The following NUDT3 variants were observed in gnomAD, a reference collection of about 807,000 sequenced individuals.
NUDT3 encodes the protein nudix hydrolase 3.
In NUDT3, 9 loss-of-function variants were observed where a neutral mutation model predicts 23.6. The observed-to-expected ratio is 0.38, with a 90% CI of 0.23 to 0.66. NUDT3 has a LOEUF of 0.66. Ranked by LOEUF, NUDT3 falls within the 30% of genes least tolerant of loss-of-function variation. NUDT3 has a pLI of 0.52. For missense variants in NUDT3, 172 were observed against 218.5 expected (o/e 0.79, Z 1.34); for synonymous variants, 86 against 82.6 (o/e 1.04, Z -0.22).
chr6:34,325,677 T>G (rs1581866832), intron 2 of NUDT3, among the ~76,000 whole-genome samples: 1 of 152,226 alleles, frequency 6.6e-6, no homozygotes, highest in Non-Finnish European at 1.5e-5. Flanking sequence ...CATTTCCCAC[T>G]AAATCCTTTA....
chr6:34,385,987 T>C (rs1299821563), intron 1 of NUDT3, among the ~76,000 whole-genome samples: 3 of 152,224 alleles, frequency 2.0e-5, no homozygotes, highest in Non-Finnish European at 4.4e-5. Flanking sequence ...CTGAGCCTTG[T>C]TCTTTTCTGA....
At chr6:34,301,201 CGAA>C (rs1278214588) in intron 2 of NUDT3, among the ~76,000 whole-genome samples, 1 of 134,760 alleles carries the variant, frequency 7.4e-6, no homozygotes, top group East Asian at 2.0e-4. Flanking sequence ...AAGAGTTTCT[CGAA>C]GATTTATACT....
intron 1 of NUDT3, among the ~76,000 whole-genome samples, chr6:34,358,319 T>A (rs768073716): frequency 1.3e-5 from 2 of 150,962 alleles, no homozygotes; most frequent in African/African-American, 4.9e-5. Flanking sequence ...AGGAATCAAG[T>A]TGAATTTATA....
intron 1 of NUDT3, among the ~76,000 whole-genome samples, chr6:34,342,289 C>CAAAAAAA (rs200954440): frequency 1.2e-4 from 8 of 66,512 alleles, no homozygotes; most frequent in South Asian, 4.6e-4. Flanking sequence ...TAGAAGACTT[C>CAAAAAAA]AAAAAAAAAA....
At chr6:34,322,886 G>C (rs1258398582) in intron 2 of NUDT3, among the ~76,000 whole-genome samples, 1 of 152,180 alleles carries the variant, frequency 6.6e-6, no homozygotes, top group African/African-American at 2.4e-5. Flanking sequence ...GATAAAGAAA[G>C]TGTACATATA....
intron 1 of NUDT3, among the ~76,000 whole-genome samples, chr6:34,390,928 C>A (rs997019232): frequency 6.6e-6 from 1 of 152,196 alleles, no homozygotes; most frequent in Admixed American, 6.5e-5. Context: ...TAATTTACAG[C>A]ATGGCCCTGG....
At chr6:34,354,989 T>C (rs533917809) in intron 1 of NUDT3, among the ~76,000 whole-genome samples, 1 of 152,136 alleles carries the variant, frequency 6.6e-6, no homozygotes, top group East Asian at 1.9e-4. Flanking sequence ...TAGTTTTGCC[T>C]CTTCCCCTCT....
At chr6:34,313,439 A>C (rs1054658558) in intron 2 of NUDT3, among the ~76,000 whole-genome samples, 1 of 152,188 alleles carries the variant, frequency 6.6e-6, no homozygotes, top group South Asian at 2.1e-4. Flanking sequence ...ACATGTCATT[A>C]TGCCTTTCTA....
rs577240079 is a variant in NUDT3, at chr6:34,290,936, A to G, written c.341-2005T>C. 2.0e-5 allele frequency among the ~76,000 whole-genome samples: 3 copies of G among 151,314 alleles called. No homozygotes were observed. The East Asian group carries it at 5.8e-4, about 29-fold the overall frequency. On this transcript the variant is annotated intron_variant, in intron 4 of 4. Coordinates refer to ENST00000607016, the MANE Select transcript of NUDT3 (RefSeq NM_006703.4). The stretch of plus-strand genomic sequence containing the variant: ...CAGCCTCTCAAGTAGCTGGGATTAC[A>G]GGCGCCCACAACCACACCCAGCTAA...
rs1162114427 is a variant in NUDT3, at chr6:34,280,761, C to T, written c.*7992G>A. 6.6e-6 allele frequency: 1 copy of T among 152,174 alleles called. No individual in the cohort carries two copies. Among genetic ancestry groups the T allele is most frequent in the Non-Finnish European group, 1.5e-5 (1 of 68,056 alleles). 9.4% of individuals were successfully genotyped at this position (152,174 alleles called of 1,614,324 possible). The stretch of plus-strand genomic sequence containing the variant: ...TGGTCCTGATGGAAATGAACAGCAG[C>T]AGAGTTCTGGTGGGATAGAGCAGTC... On this transcript the variant is annotated 3_prime_UTR_variant, in exon 5 of 5. Transcript: ENST00000607016.
chr6:34,390,933 C>T (rs564149958), intron 1 of NUDT3, among the ~76,000 whole-genome samples: 3 of 152,248 alleles, frequency 2.0e-5, no homozygotes, highest in Admixed American at 2.0e-4. Context: ...TACAGCATGG[C>T]CCTGGTTAGC....
intron 2 of NUDT3, among the ~76,000 whole-genome samples, chr6:34,338,576 T>C (rs189386855): frequency 3.2e-4 from 48 of 152,364 alleles, no homozygotes; most frequent in Non-Finnish European, 6.3e-4. Flanking sequence ...CAATATTTGC[T>C]GAACGGACAA....
intron 2 of NUDT3, among the ~76,000 whole-genome samples, chr6:34,315,024 G>A (rs891604164): frequency 7.2e-5 from 11 of 152,184 alleles, no homozygotes; most frequent in African/African-American, 2.2e-4. Flanking sequence ...AAATAAATCA[G>A]GACACCTTCT....
chr6:34,346,941 T>C (rs1004692316), intron 1 of NUDT3, among the ~76,000 whole-genome samples: 10 of 152,132 alleles, frequency 6.6e-5, no homozygotes, highest in South Asian at 4.1e-4. Context: ...TTTTTTAAAC[T>C]TCATTTTTTA....
At chr6:34,316,700 C>T (rs1294026981) in intron 2 of NUDT3, among the ~76,000 whole-genome samples, 1 of 152,098 alleles carries the variant, frequency 6.6e-6, no homozygotes, top group African/African-American at 2.4e-5. Context: ...ACAGCAATTA[C>T]AAGGGCACTG....
intron 1 of NUDT3, among the ~76,000 whole-genome samples, chr6:34,387,320 T>C (rs1581906042): frequency 6.6e-6 from 1 of 152,046 alleles, no homozygotes; most frequent in East Asian, 1.9e-4. Flanking sequence ...CGCCTGTTAC[T>C]CTCCTGAAGA....
At chr6:34,384,180 C>T (rs901244311) in intron 1 of NUDT3, among the ~76,000 whole-genome samples, 2 of 152,200 alleles carry the variant, frequency 1.3e-5, no homozygotes, top group African/African-American at 4.8e-5. Context: ...AGTCTCTGCC[C>T]ACTGAAGAGC....
intron 1 of NUDT3, among the ~76,000 whole-genome samples, chr6:34,351,741 CAAAAAAAAAAAAA>C (rs1017090378): frequency 1.8e-5 from 1 of 54,340 alleles, no homozygotes; most frequent in Non-Finnish European, 3.7e-5. Flanking sequence ...AACTCTGTCT[CAAAAAAAAAAAAA>C]AAAAAAAAGA....
intron 4 of NUDT3, among the ~76,000 whole-genome samples, chr6:34,292,984 C>G (rs1763446077): frequency 6.6e-6 from 1 of 152,210 alleles, no homozygotes; most frequent in South Asian, 2.1e-4. Flanking sequence ...AAAATACTAT[C>G]AGGTTCAAAA....
Sources: gnomAD v4.1 joint callset for allele counts (sites outside exome capture counted in the v4.1 genomes callset) on GRCh38, gnomAD v4.1.1 for gene constraint, MANE v1.5 for transcripts, NCBI Gene and HGNC (gene_info 2026-07-23, HGNC 2026-07-21) for gene names.